Variants in ABCC8 observed in about 807,000 individuals in gnomAD.
ABCC8 encodes the protein ATP binding cassette subfamily C member 8, also known as ATP-binding cassette sub-family C member 8.
A neutral mutation model predicts 188.0 loss-of-function variants in ABCC8; 137 were observed. That is an observed-to-expected ratio of 0.73 (90% CI 0.63 to 0.84). The LOEUF is 0.84. ABCC8 is among the 40% of genes least tolerant of loss of function. ABCC8 has a pLI of 0.00. For missense variants in ABCC8, 1,750 were observed against 2,072.7 expected (o/e 0.84, Z 3.02); for synonymous variants, 797 against 846.5 (o/e 0.94, Z 1.01).
chr11:17,450,306 CTTTCTTTCTTT>C (rs1956736099), intron 7 of ABCC8, among the ~76,000 whole-genome samples: 2 of 130,234 alleles, frequency 1.5e-5, no homozygotes, highest in Non-Finnish European at 3.2e-5. Context: ...TTCTTTCTTT[CTTTCTTTCTTT>C]CTTTCTTTCT....
At chr11:17,421,321 CA>C in intron 16 of ABCC8, among the ~76,000 whole-genome samples, 1 of 152,182 alleles carries the variant, frequency 6.6e-6, no homozygotes, top group South Asian at 2.1e-4. Flanking sequence ...TTGCTCATTC[CA>C]AATATTGATG....
chr11:17,455,065 G>A (rs1238286517), intron 6 of ABCC8, among the ~76,000 whole-genome samples: 2 of 152,182 alleles, frequency 1.3e-5, no homozygotes, highest in African/African-American at 4.8e-5. Flanking sequence ...AACACATCAT[G>A]AGAATTTATC....
At chr11:17,417,806 A>G (rs963324663) in intron 16 of ABCC8, among the ~76,000 whole-genome samples, 1 of 152,048 alleles carries the variant, frequency 6.6e-6, no homozygotes, top group Non-Finnish European at 1.5e-5. Context: ...CTGGAGTACA[A>G]TGGCGTGATC....
At position 17,407,047 on chromosome 11, in the gene ABCC8, G is replaced by A. The variant is rs745601985; in HGVS notation, c.3003C>T (p.Ala1001=). The change falls in exon 25 of 39, where the codon GCC becomes GCT. Residue 1001 remains alanine, a synonymous_variant. Coordinates refer to ENST00000389817, the MANE Select transcript of ABCC8 (RefSeq NM_000352.6). ...QRAEIPWRAC[A]KYLSSAGILL... The stretch of plus-strand genomic sequence containing the variant: ...GGATGCCGGCGGAGGACAGGTACTT[G>A]GCGCAGGCTCGCCATGGGATCTCAG... The A allele has an allele frequency of 6.2e-7, 1 of 1,614,160 alleles. No homozygotes were observed.
At chr11:17,399,692 A>T (rs1954136039) in intron 29 of ABCC8, among the ~76,000 whole-genome samples, 2 of 152,186 alleles carry the variant, frequency 1.3e-5, no homozygotes, top group African/African-American at 4.8e-5. Flanking sequence ...ATCTCCCTCA[A>T]TAGACTGCAA....
chr11:17,425,057 T>C (rs557117375), intron 16 of ABCC8, among the ~76,000 whole-genome samples: 1 of 152,158 alleles, frequency 6.6e-6, no homozygotes, highest in Admixed American at 6.5e-5. Flanking sequence ...AGGCATGCAG[T>C]TGGACAGCAG....
At chr11:17,417,131 G>A (rs1955118755) in intron 16 of ABCC8, 169 bp from the exon 17 acceptor site, 1 of 920,614 alleles carries the variant, frequency 1.1e-6, no homozygotes, top group Non-Finnish European at 1.3e-6. Flanking sequence ...CTCAATCTCT[G>A]TCCCTCCCAC....
intron 3 of ABCC8, among the ~76,000 whole-genome samples, chr11:17,467,942 T>C (rs1848261236): frequency 6.6e-6 from 1 of 152,254 alleles, no homozygotes; most frequent in African/African-American, 2.4e-5. Flanking sequence ...ATGTGTTTGC[T>C]GGAGAATGAG....
chr11:17,415,042 AC>A (rs1383341083), intron 18 of ABCC8, among the ~76,000 whole-genome samples: 1 of 142,696 alleles, frequency 7.0e-6, no homozygotes, highest in Non-Finnish European at 1.5e-5. Context: ...CAAGGAAGCC[AC>A]ATTTTGAGTG....
chr11:17,457,844 C>T (rs1040464861), intron 6 of ABCC8, among the ~76,000 whole-genome samples: 3 of 152,196 alleles, frequency 2.0e-5, no homozygotes, highest in Admixed American at 6.5e-5. Flanking sequence ...ACCACAGGTG[C>T]CTCGCTGTGC....
intron 5 of ABCC8, chr11:17,461,013 G>A (rs747037429): frequency 6.2e-5 from 25 of 404,112 alleles, no homozygotes; most frequent in Non-Finnish European, 1.0e-4. Context: ...GTCTGCCTCA[G>A]CAACTGCCCT....
chr11:17,415,896 G>A (rs1325725936), intron 17 of ABCC8, among the ~76,000 whole-genome samples: 2 of 152,186 alleles, frequency 1.3e-5, no homozygotes, highest in Non-Finnish European at 1.5e-5. Context: ...CGGAATGTGG[G>A]GGATCTGCCA....
Position 17,428,558 on chromosome 11 carries a change from C to T in ABCC8, c.1923+7G>A. Reference sequence around the variant, plus strand: ...CTGGGAGTAGCAAGGGGAGGCCGGGCACTCACCACCGCCTGGTACTTGCTG... The same window carrying T: ...CTGGGAGTAGCAAGGGGAGGCCGGGTACTCACCACCGCCTGGTACTTGCTG... On this transcript the variant is annotated splice_region_variant and intron_variant, in intron 13 of 38. Coordinates refer to ENST00000389817, the MANE Select transcript of ABCC8 (RefSeq NM_000352.6). 6.2e-7 allele frequency: 1 copy of T among 1,613,978 alleles called. No homozygotes were observed. The highest frequency in any genetic ancestry group is 8.5e-7 in the Non-Finnish European group (1 of 1,179,970).
chr11:17,476,198 G>C (rs965395067), intron 1 of ABCC8, among the ~76,000 whole-genome samples: 4 of 152,220 alleles, frequency 2.6e-5, no homozygotes, highest in African/African-American at 9.6e-5. Flanking sequence ...CAAAGCACAG[G>C]CTTCCCTCTT....
intron 29 of ABCC8, 41 bp downstream of exon 29, chr11:17,402,620 C>T (rs1321594187): frequency 1.2e-6 from 2 of 1,614,174 alleles, no homozygotes; most frequent in Non-Finnish European, 1.7e-6. Context: ...CCTGGCCCCA[C>T]CCCTGTTCCA....
In ABCC8 at chr11:17,410,501, C is replaced by T. The variant is rs886048051; in HGVS notation, c.2694+15G>A. On this transcript the variant is annotated intron_variant, in intron 22 of 38. Transcript: ENST00000389817. ...GCCCTGCCCCCTATAGCCTGACCCCCTTGTTCCCCCTCACCCAGTCTGCAT... is the reference window on the plus strand; with the variant it reads ...GCCCTGCCCCCTATAGCCTGACCCCTTTGTTCCCCCTCACCCAGTCTGCAT... 6.2e-7 allele frequency: 1 copy of T among 1,614,114 alleles called. No homozygotes were observed. Among genetic ancestry groups the T allele is most frequent in the Non-Finnish European group, 8.5e-7 (1 of 1,179,976 alleles).
intron 9 of ABCC8, 146 bp from the exon 10 acceptor site, chr11:17,443,028 A>T: frequency 6.6e-7 from 1 of 1,520,356 alleles, no homozygotes; most frequent in Non-Finnish European, 9.0e-7. Flanking sequence ...TCCATTTCCC[A>T]GACAAAGAAG....
chr11:17,475,408 C>T (rs997432547), intron 1 of ABCC8, among the ~76,000 whole-genome samples: 5 of 151,392 alleles, frequency 3.3e-5, no homozygotes, highest in South Asian at 4.2e-4. Flanking sequence ...GTAGAAAGGG[C>T]GGGGGGGGTC....
At chr11:17,460,289 T>C (rs899702352) in intron 6 of ABCC8, among the ~76,000 whole-genome samples, 199 bp downstream of exon 6, 3 of 152,196 alleles carry the variant, frequency 2.0e-5, no homozygotes, top group Non-Finnish European at 4.4e-5. Flanking sequence ...AGGATACCCT[T>C]GGGGCATAGG....
Sources: gnomAD v4.1 joint callset for allele counts (sites outside exome capture counted in the v4.1 genomes callset) on GRCh38, gnomAD v4.1.1 for gene constraint, MANE v1.5 for transcripts, NCBI Gene and HGNC (gene_info 2026-07-23, HGNC 2026-07-21) for gene names.